TEX15: variants seen among roughly 807,000 people sequenced by gnomAD.
TEX15 encodes the protein testis expressed 15, meiosis and synapsis associated.
In TEX15, 171 loss-of-function variants were observed where a neutral mutation model predicts 237.3. The observed-to-expected ratio is 0.72, with a 90% CI of 0.64 to 0.82. The LOEUF (loss-of-function observed/expected upper bound fraction) is 0.82. Among genes scored for constraint, TEX15 ranks in the 40% least tolerant of loss-of-function variants. The pLI is 0.00. For synonymous variants in TEX15, 1,338 were observed against 1,269.8 expected (o/e 1.05, Z -1.14); for missense variants, 3,750 against 3,646.5 (o/e 1.03, Z -0.73).
chr8:30,842,942 G>T lies in TEX15; in HGVS notation c.7225C>A (p.Gln2409Lys). The T allele has an allele frequency of 6.2e-7, 1 of 1,610,460 alleles. No homozygotes were observed. The highest frequency in any genetic ancestry group is 1.1e-5 in the South Asian group (1 of 90,436). ...EILKKYFQMLQDNNMDNIFIT... is the reference protein window; with the variant it reads ...EILKKYFQMLKDNNMDNIFIT... ...AAAATATTATCCATGTTATTATCTT[G>T]TAGCATCTGAAAGTATTTTTTTAAA... The change falls in exon 8 of 11, where the codon CAA becomes AAA. Residue 2409 changes from glutamine (Q) to lysine (K), a missense_variant. Physicochemically the swap from Gln to Lys is moderately conservative, Grantham distance 53 (BLOSUM62 1). Transcript: ENST00000643185.
chr8:30,864,396 C>T (rs1808113624), intron 5 of TEX15, among the ~76,000 whole-genome samples: 1 of 150,046 alleles, frequency 6.7e-6, no homozygotes, highest in African/African-American at 2.5e-5. Flanking sequence ...GCAGAGAGAA[C>T]ATTTGAAGAA....
chr8:30,849,144 G>C lies in TEX15; in HGVS notation c.1023C>G (p.Asn341Lys). ...TTCCATTTTGTACATTTCCATAGGAGTTAGAAATATTTGAGATGAAAGGAT... is the reference window on the plus strand; with the variant it reads ...TTCCATTTTGTACATTTCCATAGGACTTAGAAATATTTGAGATGAAAGGAT... ...EINPFISNIS[N>K]SYGNVQNGNI... is the part of the protein sequence containing the mutation. Residue 341 changes from asparagine (N) to lysine (K), a missense_variant, in exon 8 of 11, where the codon AAC (asparagine) becomes AAG (lysine). Coordinates refer to ENST00000643185, the MANE Select transcript of TEX15 (RefSeq NM_001350162.2). 6.4e-7 allele frequency: 1 copy of C among 1,573,522 alleles called. No homozygotes were observed. The highest frequency in any genetic ancestry group is 1.1e-5 in the South Asian group (1 of 87,796).
rs550283277 is a variant in TEX15 at position 30,888,452 on chromosome 8, T to G, written c.-9-1141A>C. Among the ~76,000 whole-genome samples, 4 of 152,172 alleles carry G rather than the reference T, an allele frequency of 2.6e-5. No individual in the cohort carries two copies. The South Asian group carries it at 8.3e-4, about 32-fold the overall frequency. ...ATCAAATATTGCTATACCAGAAGTA[T>G]CAAAAATATTCCTCCCCTTCCTTTT... On this transcript the variant is annotated intron_variant, in intron 2 of 10. Transcript: ENST00000643185.
chr8:30,839,939 A>AT lies in TEX15; in HGVS notation c.8188dup (p.Ile2730AsnfsTer30). The AT allele has an allele frequency of 1.2e-6, 2 of 1,600,578 alleles. No individual in the cohort carries two copies. The highest frequency in any genetic ancestry group is 1.7e-6 in the Non-Finnish European group (2 of 1,173,690). On this transcript the variant is annotated frameshift_variant, in exon 9 of 11. Transcript: ENST00000643185. LOFTEE classifies it high-confidence loss of function. ...CTTGAATGTTGCCTTTTCTCTGTTG[A>AT]TTTTTGTGACATCTTTCATGTCTAC...
chr8:30,844,167 T>A lies in TEX15; in HGVS notation c.6000A>T (p.Leu2000=). Reference sequence around the variant, plus strand: ...CATCTGCCCTCTGCAAAATTTGAGATAGATTAGCTATAAGGGCCGTATGAT... The same window carrying A: ...CATCTGCCCTCTGCAAAATTTGAGAAAGATTAGCTATAAGGGCCGTATGAT... ...SANHTALIAN[L]SQILQRADEA... The change falls in exon 8 of 11, where the codon CTA becomes CTT. Residue 2000 remains leucine (L), a synonymous_variant. Coordinates refer to ENST00000643185, the MANE Select transcript of TEX15 (RefSeq NM_001350162.2). 1 of 1,613,064 alleles carries A rather than the reference T, an allele frequency of 6.2e-7. No homozygotes were observed. Among genetic ancestry groups the A allele is most frequent in the Non-Finnish European group, 8.5e-7 (1 of 1,179,498 alleles).
intron 1 of TEX15, among the ~76,000 whole-genome samples, chr8:30,912,309 A>C (rs1809239356): frequency 8.7e-6 from 1 of 115,150 alleles, no homozygotes; most frequent in Non-Finnish European, 1.9e-5. Context: ...AGGAGTCCCG[A>C]GTTGCGGTCC....
intron 2 of TEX15, chr8:30,887,878 CATATATATTTCATATATATATAT>C (rs1482822142): frequency 6.2e-5 from 8 of 128,312 alleles, no homozygotes; most frequent in South Asian, 2.5e-4. Flanking sequence ...ATATATTTCA[CATATATATTTCATATATATATAT>C]ATATATATAT....
chr8:30,886,173 A>G (rs1808641821), intron 3 of TEX15, among the ~76,000 whole-genome samples: 1 of 152,140 alleles, frequency 6.6e-6, no homozygotes, highest in Admixed American at 6.5e-5. Context: ...GAGACTCTAG[A>G]TTATATTTAA....
At chr8:30,874,244 A>T (rs1808355616) in intron 4 of TEX15, among the ~76,000 whole-genome samples, 1 of 152,208 alleles carries the variant, frequency 6.6e-6, no homozygotes, top group South Asian at 2.1e-4. Flanking sequence ...AACGAGTTCC[A>T]CATGTGGGTC....
chr8:30,836,704 C>T (rs1241607572), intron 10 of TEX15, 99 bp downstream of exon 10: 2 of 1,072,270 alleles, frequency 1.9e-6, no homozygotes, highest in African/African-American at 1.6e-5. Flanking sequence ...ACTGCTCTTT[C>T]TCCCTCTAAC....
rs532781275 is a variant in TEX15, at chr8:30,886,869, T to C, written c.136+298A>G. 1.1e-4 allele frequency: 25 copies of C among 220,500 alleles called. No homozygotes were observed. The East Asian group carries it at 1.7e-3, about 15-fold the overall frequency. 13.7% of individuals were successfully genotyped at this position (220,500 alleles called of 1,614,324 possible). On this transcript the variant is annotated intron_variant, in intron 3 of 10. Coordinates refer to ENST00000643185, the MANE Select transcript of TEX15 (RefSeq NM_001350162.2). ...AAAGAAAATTGAGGGAACTTACTGC[T>C]ATGCCATTCCCTGAGTCTCACATTC... is the stretch of plus-strand genomic sequence containing the variant.
chr8:30,843,354 A>C lies in TEX15; in HGVS notation c.6813T>G (p.Phe2271Leu). Residue 2271 changes from phenylalanine (F) to leucine (L), a missense_variant, in exon 8 of 11, where the codon TTT becomes TTG. Phe to Leu is a conservative substitution (Grantham distance 22). Coordinates refer to ENST00000643185, the MANE Select transcript of TEX15 (RefSeq NM_001350162.2). ...KISLYGLEHI[F>L]FDAAKNLVWK... ...AAACAAGATTTTTTGCAGCATCAAAAAAGATATGTTCCAGACCATAAAGAG... is the reference window on the plus strand; with the variant it reads ...AAACAAGATTTTTTGCAGCATCAAACAAGATATGTTCCAGACCATAAAGAG... 1 of 1,611,628 alleles carries C rather than the reference A, an allele frequency of 6.2e-7. No individual in the cohort carries two copies. The highest frequency in any genetic ancestry group is 8.5e-7 in the Non-Finnish European group (1 of 1,179,406).
Position 30,843,784 on chromosome 8 carries a change from G to A in TEX15, c.6383C>T (p.Pro2128Leu), listed in dbSNP as rs1225128546. ...RGFQQQSNFY[P>L]GFQGRLKYNA... ...ATATTTTAATCTTCCTTGGAAACCA[G>A]GATAGAAATTAGACTGCTGTTGAAA... The change falls in exon 8 of 11, where the codon CCT becomes CTT. Residue 2128 changes from proline to leucine, a missense_variant. Coordinates refer to ENST00000643185, the MANE Select transcript of TEX15 (RefSeq NM_001350162.2). The A allele has an allele frequency of 6.2e-7, 1 of 1,613,480 alleles. No individual in the cohort carries two copies. Among genetic ancestry groups the A allele is most frequent in the Non-Finnish European group, 8.5e-7 (1 of 1,179,644 alleles).
intron 3 of TEX15, among the ~76,000 whole-genome samples, chr8:30,877,940 TTATA>T (rs1198281175): frequency 1.3e-5 from 2 of 152,036 alleles, no homozygotes; most frequent in African/African-American, 4.8e-5. Context: ...TGCCACTCCT[TTATA>T]TATTTTTTCA....
chr8:30,847,959 A>G lies in TEX15; in HGVS notation c.2208T>C (p.His736=). Reference sequence around the variant, plus strand: ...GCTTTTGAGCAATGGCTAAACTTGTATGAATGTTACCCTCATACTCCACAG... The same window carrying G: ...GCTTTTGAGCAATGGCTAAACTTGTGTGAATGTTACCCTCATACTCCACAG... The part of the protein sequence containing the change: ...QHSVEYEGNI[H]TSLAIAQKLM... The change falls in exon 8 of 11, where the codon CAT becomes CAC. Residue 736 remains histidine (H), a synonymous_variant. Transcript: ENST00000643185. 2 of 1,613,964 alleles carry G rather than the reference A, an allele frequency of 1.2e-6. No homozygotes were observed. Among genetic ancestry groups the G allele is most frequent in the Non-Finnish European group, 1.7e-6 (2 of 1,179,934 alleles).
intron 1 of TEX15, among the ~76,000 whole-genome samples, chr8:30,905,106 C>G (rs1488452800): frequency 6.6e-6 from 1 of 152,036 alleles, no homozygotes; most frequent in Non-Finnish European, 1.5e-5. Context: ...TATAACTTGT[C>G]TACTTCTAAC....
intron 1 of TEX15, among the ~76,000 whole-genome samples, chr8:30,905,613 G>T (rs1380035410): frequency 1.3e-5 from 2 of 151,982 alleles, no homozygotes; most frequent in Non-Finnish European, 2.9e-5. Context: ...CAGACCACCT[G>T]GTCTGTGGCT....
At chr8:30,836,205 GTTTTTTTTTTTTTTTT>G (rs33984716) in intron 10 of TEX15, among the ~76,000 whole-genome samples, 1 of 43,278 alleles carries the variant, frequency 2.3e-5, no homozygotes, top group African/African-American at 9.5e-5. Flanking sequence ...TCACTGTATC[GTTTTTTTTTTTTTTTT>G]TTTTTTTTTT....
Position 30,847,118 on chromosome 8 carries a change from C to G in TEX15, c.3049G>C (p.Asp1017His). ...CTATGTTTTACTAACAAACCAAAATCTGGACTTTCAGAAGAACAAGTTTCT... is the reference window on the plus strand; with the variant it reads ...CTATGTTTTACTAACAAACCAAAATGTGGACTTTCAGAAGAACAAGTTTCT... ...FKETCSSESP[D>H]FGLLVKHRVS... The change falls in exon 8 of 11, where the codon GAT becomes CAT. Residue 1017 changes from aspartate to histidine, a missense_variant. Asp to His is a moderately conservative substitution (Grantham distance 81, BLOSUM62 -1). Transcript: ENST00000643185. 2 of 1,613,666 alleles carry G rather than the reference C, an allele frequency of 1.2e-6. No homozygotes were observed. Among genetic ancestry groups the G allele is most frequent in the African/African-American group, 2.7e-5 (2 of 75,044 alleles).
Sources: gnomAD v4.1 joint callset for allele counts (sites outside exome capture counted in the v4.1 genomes callset) on GRCh38, gnomAD v4.1.1 for gene constraint, MANE v1.5 for transcripts, NCBI Gene and HGNC (gene_info 2026-07-23, HGNC 2026-07-21) for gene names.